CRISP2: variants seen among roughly 807,000 people sequenced by gnomAD.
CRISP2 encodes cysteine-rich secretory protein 2.
A neutral mutation model predicts 31.7 loss-of-function variants in CRISP2; 29 were observed. That is an observed-to-expected ratio of 0.92 (90% CI 0.68 to 1.25). CRISP2 has a LOEUF of 1.25. Among genes scored for constraint, CRISP2 ranks in the 50% most tolerant of loss-of-function variants. CRISP2 has a pLI of 0.00. For missense variants in CRISP2, 318 were observed against 286.5 expected (o/e 1.11, Z -0.79); for synonymous variants, 111 against 101.4 (o/e 1.09, Z -0.57).
intron 4 of CRISP2, among the ~76,000 whole-genome samples, chr6:49,701,916 TTATATTA>T (rs1765984207): frequency 1.5e-4 from 2 of 13,612 alleles, no homozygotes; most frequent in Non-Finnish European, 2.2e-4. Context: ...GTATTATATA[TTATATTA>T]TATATAATAT....
At chr6:49,680,408 G>A in the CRISP2 span, among the ~76,000 whole-genome samples, 1 of 152,022 alleles carries the variant, frequency 6.6e-6, no homozygotes, top group Non-Finnish European at 1.5e-5. Flanking sequence ...ATCATTGATG[G>A]GCATTTAGGT....
At chr6:49,682,727 CTT>C in the CRISP2 span, among the ~76,000 whole-genome samples, 2 of 137,484 alleles carry the variant, frequency 1.5e-5, no homozygotes, top group African/African-American at 5.5e-5. Context: ...TTTTCTCTTT[CTT>C]TTTCTTTCTT....
chr6:49,713,955 C>T (rs1343655306), upstream of CRISP2, among the ~76,000 whole-genome samples: 2 of 152,158 alleles, frequency 1.3e-5, no homozygotes. Context: ...GTCATGCCAA[C>T]GACGCACTCC....
Position 49,702,034 on chromosome 6 carries a change from A to G in CRISP2, c.67-1250T>C, listed in dbSNP as rs1214701330. On this transcript the variant is annotated intron_variant, in intron 4 of 9. Coordinates refer to ENST00000339139, the MANE Select transcript of CRISP2 (RefSeq NM_003296.4). ...ATTAATGTATACATTATATATGTAT[A>G]CATATATAAGTTTATATTATATATG... 2.1e-4 allele frequency among the ~76,000 whole-genome samples: 23 copies of G among 110,338 alleles called. No individual in the cohort carries two copies. The Admixed American group carries it at 2.5e-3, about 12-fold the overall frequency. The allele number at this position is 110,338 out of a possible 152,430, so 72.4% of individuals were successfully genotyped here. A position where few individuals can be genotyped will look rare whatever the true frequency, so the allele number is the denominator to read the frequency against.
At chr6:49,683,928 A>G in the CRISP2 span, among the ~76,000 whole-genome samples, 54 of 151,854 alleles carry the variant, frequency 3.6e-4, no homozygotes, top group East Asian at 8.2e-3. Context: ...TTTTCATTCA[A>G]GCTATGAGCT....
intron 7 of CRISP2, 148 bp from the exon 8 acceptor site, chr6:49,698,105 C>T: frequency 1.4e-6 from 1 of 729,702 alleles, no homozygotes; most frequent in South Asian, 2.3e-5. Context: ...AAGTCATAAA[C>T]TTTAAAAATA....
Position 49,713,463 on chromosome 6 carries a change from T to G in CRISP2, c.-151+12A>C, listed in dbSNP as rs1238329727. ...GTCCCTAGCCATTTCTAGTCTCCAA[T>G]CCGGGTCTTACATTTACCCTGGCTC... On this transcript the variant is annotated intron_variant, in intron 1 of 9. Coordinates refer to ENST00000339139, the MANE Select transcript of CRISP2 (RefSeq NM_003296.4). The G allele has an allele frequency of 6.6e-6, 1 of 152,280 alleles. No homozygotes were observed. Among genetic ancestry groups the G allele is most frequent in the Non-Finnish European group, 1.5e-5 (1 of 68,144 alleles). 9.4% of individuals were successfully genotyped at this position (152,280 alleles called of 1,614,324 possible). A position where few individuals can be genotyped will look rare whatever the true frequency, so the allele number is the denominator to read the frequency against.
intron 3 of CRISP2, 73 bp from the exon 4 acceptor site, chr6:49,709,278 A>G (rs1767594820): frequency 1.6e-6 from 2 of 1,245,714 alleles, no homozygotes; most frequent in Admixed American, 1.9e-5. Flanking sequence ...GAATACCAAT[A>G]TAATGATCTC....
At chr6:49,714,139 G>A (rs1177139297), upstream of CRISP2, among the ~76,000 whole-genome samples, 1 of 152,206 alleles carries the variant, frequency 6.6e-6, no homozygotes, top group Non-Finnish European at 1.5e-5. Context: ...TTTAGCATAC[G>A]TATCAAGCAT....
chr6:49,708,401 G>A (rs1005020889), intron 4 of CRISP2, among the ~76,000 whole-genome samples: 3 of 152,210 alleles, frequency 2.0e-5, no homozygotes, highest in Non-Finnish European at 2.9e-5. Context: ...CTTCGCAGAT[G>A]TAATTAAGTT....
intron 5 of CRISP2, 23 bp from the exon 6 acceptor site, chr6:49,699,914 A>T (rs1255343664): frequency 1.2e-6 from 2 of 1,600,454 alleles, no homozygotes; most frequent in Non-Finnish European, 1.7e-6. Flanking sequence ...AGAAAACAAA[A>T]TACACTTAAT....
downstream of CRISP2, among the ~76,000 whole-genome samples, chr6:49,690,313 A>G (rs1318055791): frequency 6.6e-6 from 1 of 152,122 alleles, no homozygotes; most frequent in East Asian, 1.9e-4. Context: ...TAATAGAGAA[A>G]GCACGTTTTC....
At chr6:49,679,018 A>G in the CRISP2 span, among the ~76,000 whole-genome samples, 3 of 152,180 alleles carry the variant, frequency 2.0e-5, no homozygotes, top group Non-Finnish European at 4.4e-5. Context: ...GTATTCTGTT[A>G]ACATTTAATA....
At chr6:49,708,325 C>T (rs752190715) in intron 4 of CRISP2, among the ~76,000 whole-genome samples, 1 of 152,116 alleles carries the variant, frequency 6.6e-6, no homozygotes, top group Non-Finnish European at 1.5e-5. Flanking sequence ...AGGTGGTAGA[C>T]TCCAAAAAGA....
Position 49,695,906 on chromosome 6 carries a change from T to C in CRISP2, c.534A>G (p.Arg178=). 1 of 1,611,836 alleles carries C rather than the reference T, an allele frequency of 6.2e-7. No homozygotes were observed. The highest frequency in any genetic ancestry group is 8.5e-7 in the Non-Finnish European group (1 of 1,178,718). ...QYCPAGNNMN[R]KNTPYQQGTP... ...TTCCTTGTTGGTACGGGGTATTCTT[T>C]CTATTCATATTATTACCACTGAAAT... is the stretch of plus-strand genomic sequence containing the variant. Residue 178 remains arginine (R), a synonymous_variant, in exon 9 of 10, where the codon AGA becomes AGG. Coordinates refer to ENST00000339139, the MANE Select transcript of CRISP2 (RefSeq NM_003296.4).
intron 4 of CRISP2, among the ~76,000 whole-genome samples, chr6:49,708,473 C>A (rs73439856): frequency 0.033 from 5,068 of 151,998 alleles, 301 homozygotes; most frequent in African/African-American, 0.12. Context: ...ATGACAAGTG[C>A]CTTTATGAGA....
chr6:49,710,920 G>A (rs1767899899), intron 3 of CRISP2, among the ~76,000 whole-genome samples: 1 of 152,090 alleles, frequency 6.6e-6, no homozygotes. Flanking sequence ...CTTGAGCCCA[G>A]GAGTTCAAGA....
chr6:49,683,702 T>TATATATATATATATA, the CRISP2 span, among the ~76,000 whole-genome samples: 1 of 91,610 alleles, frequency 1.1e-5, no homozygotes, highest in African/African-American at 3.7e-5. Context: ...AAAATATATA[T>TATATATATATATATA]ATATATATAT....
At chr6:49,692,927 C>G (rs1764159039) in intron 9 of CRISP2, 27 bp from the exon 10 acceptor site, 1 of 1,609,752 alleles carries the variant, frequency 6.2e-7, no homozygotes. Flanking sequence ...TTAGTTAACT[C>G]ATTATCGTTT....
Sources: gnomAD v4.1 joint callset for allele counts (sites outside exome capture counted in the v4.1 genomes callset) on GRCh38, gnomAD v4.1.1 for gene constraint, MANE v1.5 for transcripts, NCBI Gene and HGNC (gene_info 2026-07-23, HGNC 2026-07-21) for gene names.